The following TSHZ1 variants were observed in gnomAD, a reference collection of about 807,000 sequenced individuals.
TSHZ1 encodes the protein teashirt homolog 1.
TSHZ1 carries 12 observed loss-of-function variants against 67.1 expected under a neutral mutation model. The observed-to-expected ratio is 0.18, with a 90% CI of 0.11 to 0.29. The LOEUF is 0.29. Ranked by LOEUF, TSHZ1 falls within the 10% of genes least tolerant of loss-of-function variation. The pLI, the probability that TSHZ1 is intolerant of heterozygous loss-of-function variation, is 1.00. For synonymous variants in TSHZ1, 632 were observed against 622.4 expected (o/e 1.02, Z -0.23); for missense variants, 1,305 against 1,413.9 (o/e 0.92, Z 1.23).
intron 1 of TSHZ1, among the ~76,000 whole-genome samples, chr18:75,250,337 G>C (rs188567299): frequency 6.6e-6 from 1 of 152,116 alleles, no homozygotes; most frequent in East Asian, 1.9e-4. Context: ...GCCCAGCCCC[G>C]GCAGGAGCTT....
At chr18:75,275,673 C>T (rs2639970) in intron 1 of TSHZ1, among the ~76,000 whole-genome samples, 26,915 of 152,042 alleles carry the variant, frequency 0.18, 2,439 homozygotes, top group South Asian at 0.3. Flanking sequence ...TTTGTAGACC[C>T]GGAGTCATCA....
chr18:75,263,234 T>G (rs1226851609), intron 1 of TSHZ1, among the ~76,000 whole-genome samples: 3 of 152,210 alleles, frequency 2.0e-5, no homozygotes, highest in Non-Finnish European at 4.4e-5. Flanking sequence ...TAAGATTATT[T>G]CTAGGGTGAA....
chr18:75,233,013 A>G (rs1441381463), intron 1 of TSHZ1, among the ~76,000 whole-genome samples: 1 of 152,228 alleles, frequency 6.6e-6, no homozygotes, highest in Non-Finnish European at 1.5e-5. Flanking sequence ...CCCATTTCAC[A>G]GGATGCCTGT....
chr18:75,287,462 A>C lies in TSHZ1; in HGVS notation c.2055A>C (p.Glu685Asp). Residue 685 changes from glutamate (E) to aspartate (D), a missense_variant, in exon 2 of 2, where the codon GAA (glutamate) becomes GAC (aspartate). Transcript: ENST00000580243. The surrounding 1 kb of genome is among the most constrained non-coding windows in gnomAD (Gnocchi z 5.0). ...ATAAAGATTTCCCGAAAACGGAGGA[A>C]GTCAGCGGCAAACCACAGAAGAAGG... is the stretch of plus-strand genomic sequence containing the variant. ...KENKDFPKTE[E>D]VSGKPQKKGP... 1.9e-6 allele frequency: 3 copies of C among 1,614,224 alleles called. No individual in the cohort carries two copies. Among genetic ancestry groups the C allele is most frequent in the Non-Finnish European group, 2.5e-6 (3 of 1,180,038 alleles).
intron 1 of TSHZ1, among the ~76,000 whole-genome samples, chr18:75,241,410 G>T (rs1474374393): frequency 6.6e-6 from 1 of 152,174 alleles, no homozygotes; most frequent in Non-Finnish European, 1.5e-5. Flanking sequence ...CATCTGGGTG[G>T]CTACTTGCTG....
At chr18:75,236,750 C>T (rs1287945910) in intron 1 of TSHZ1, among the ~76,000 whole-genome samples, 1 of 152,110 alleles carries the variant, frequency 6.6e-6, no homozygotes, top group Non-Finnish European at 1.5e-5. Flanking sequence ...CTGACACACT[C>T]CACTTGCATT....
intron 1 of TSHZ1, among the ~76,000 whole-genome samples, chr18:75,249,492 G>T (rs2023267473): frequency 6.6e-6 from 1 of 151,548 alleles, no homozygotes; most frequent in Admixed American, 6.6e-5. Flanking sequence ...AGGGGGGAAG[G>T]GTAGGTAACT....
intron 1 of TSHZ1, among the ~76,000 whole-genome samples, chr18:75,249,687 C>G (rs1195066790): frequency 1.4e-5 from 2 of 146,236 alleles, no homozygotes; most frequent in African/African-American, 5.2e-5. Context: ...GACCTCCTCC[C>G]TGCCTCACTC....
chr18:75,248,850 T>C (rs1312859394), intron 1 of TSHZ1, among the ~76,000 whole-genome samples: 1 of 152,224 alleles, frequency 6.6e-6, no homozygotes, highest in Non-Finnish European at 1.5e-5. Context: ...CTAAGTCTTG[T>C]GTGGGGGAAC....
chr18:75,231,532 C>T (rs1407294594), intron 1 of TSHZ1, among the ~76,000 whole-genome samples: 1 of 152,120 alleles, frequency 6.6e-6, no homozygotes, highest in Non-Finnish European at 1.5e-5. Flanking sequence ...CTGCACTCTG[C>T]AATTTTATTT....
In TSHZ1 at chr18:75,235,610, A is replaced by G. The variant is rs2023057496; in HGVS notation, c.40+23694A>G. ...AGTAAAAGCAGCTAAGAAGGTCCTT[A>G]AGGTAATGGAGCTCACGGTGTAGCA... On this transcript the variant is annotated intron_variant, in intron 1 of 1. Transcript: ENST00000580243. Among the ~76,000 whole-genome samples the G allele has an allele frequency of 2.0e-5, 3 of 152,158 alleles. 1 individual carries two copies. In the South Asian group the frequency reaches 6.2e-4, roughly 32 times the overall value.
Position 75,281,220 on chromosome 18 carries a change from C to T in TSHZ1, c.41-4228C>T, listed in dbSNP as rs1290266295. ...CTCTGGCCACAGCTGGTCATCAGTG[C>T]GGGGGGCCAGTTTGGATGCGGGGCC... is the stretch of plus-strand genomic sequence containing the variant. On this transcript the variant is annotated intron_variant, in intron 1 of 1. Transcript: ENST00000580243. This position sits in a 1 kb window ranked among gnomAD's most constrained non-coding sequence, Gnocchi z 5.3. Among the ~76,000 whole-genome samples, 3 of 152,124 alleles carry T rather than the reference C, an allele frequency of 2.0e-5. No homozygotes were observed. The highest frequency in any genetic ancestry group is 6.5e-5 in the Admixed American group (1 of 15,276).
Position 75,286,960 on chromosome 18 carries a change from A to AG in TSHZ1, c.1555dup (p.Glu519GlyfsTer3). 6.2e-7 allele frequency: 1 copy of AG among 1,614,132 alleles called. No individual in the cohort carries two copies. Reference sequence around the variant, plus strand: ...GCTGGCGACGCGGAGAAGATCAAGGAGGAGAGTGAGGACAGCTTGGAGAAA... The same window carrying AG: ...GCTGGCGACGCGGAGAAGATCAAGGAGGGAGAGTGAGGACAGCTTGGAGAAA... On this transcript the variant is annotated frameshift_variant, in exon 2 of 2. Transcript: ENST00000580243. LOFTEE classifies it high-confidence loss of function. This position sits in a 1 kb window ranked among gnomAD's most constrained non-coding sequence, Gnocchi z 5.1.
At position 75,272,719 on chromosome 18, in the gene TSHZ1, G is replaced by A. The variant is rs117898615; in HGVS notation, c.41-12729G>A. On this transcript the variant is annotated intron_variant, in intron 1 of 1. Transcript: ENST00000580243. Reference sequence around the variant, plus strand: ...TCAGGTCATCTAGCAAGGGGAATACGTGTCCCATAGCGTCGTTGTCAATCC... The same window carrying A: ...TCAGGTCATCTAGCAAGGGGAATACATGTCCCATAGCGTCGTTGTCAATCC... Among the ~76,000 whole-genome samples, 35 of 152,292 alleles carry A rather than the reference G, an allele frequency of 2.3e-4. No homozygotes were observed. The East Asian group carries it at 2.3e-3, about 10-fold the overall frequency.
intron 1 of TSHZ1, among the ~76,000 whole-genome samples, chr18:75,220,040 C>G (rs772113164): frequency 1.1e-4 from 17 of 152,184 alleles, no homozygotes; most frequent in Non-Finnish European, 2.2e-4. Flanking sequence ...CACACATTTT[C>G]CCCAGAACAC....
At chr18:75,274,010 G>A (rs1024602823) in intron 1 of TSHZ1, among the ~76,000 whole-genome samples, 42 of 152,138 alleles carry the variant, frequency 2.8e-4, no homozygotes, top group Admixed American at 1.4e-3. Context: ...CGTGAAGGCC[G>A]GCGGCGCCTC....
chr18:75,218,201 C>A (rs1196907047), intron 1 of TSHZ1, among the ~76,000 whole-genome samples: 3 of 152,212 alleles, frequency 2.0e-5, no homozygotes, highest in South Asian at 2.1e-4. Context: ...GACAGATGAA[C>A]AGGGCGAGGG....
intron 1 of TSHZ1, among the ~76,000 whole-genome samples, chr18:75,231,566 C>T (rs958552662): frequency 5.3e-5 from 8 of 152,268 alleles, no homozygotes; most frequent in African/African-American, 7.2e-5. Context: ...TACAGAGTCT[C>T]GCTCTGTCCC....
intron 1 of TSHZ1, among the ~76,000 whole-genome samples, chr18:75,239,050 C>T (rs920509063): frequency 3.3e-5 from 5 of 151,860 alleles, no homozygotes; most frequent in African/African-American, 7.2e-5. Flanking sequence ...GGCTGGGATG[C>T]GGCCACGCAA....
Sources: gnomAD v4.1 joint callset for allele counts (sites outside exome capture counted in the v4.1 genomes callset) on GRCh38, gnomAD v4.1.1 for gene constraint, Gnocchi (gnomAD v3.1) non-coding constraint, MANE v1.5 for transcripts, NCBI Gene and HGNC (gene_info 2026-07-23, HGNC 2026-07-21) for gene names.